CGNL1: variants seen among roughly 807,000 people sequenced by gnomAD.
CGNL1 encodes the protein cingulin-like protein 1.
CGNL1 carries 132 observed loss-of-function variants against 141.2 expected under a neutral mutation model. The observed-to-expected ratio is 0.93, with a 90% CI of 0.81 to 1.08. The LOEUF (loss-of-function observed/expected upper bound fraction) is 1.08. Among genes scored for constraint, CGNL1 ranks in the 50% least tolerant of loss-of-function variants. The pLI is 0.00. For synonymous variants in CGNL1, 690 were observed against 622.1 expected (o/e 1.11, Z -1.63); for missense variants, 1,870 against 1,588.6 (o/e 1.18, Z -3.01).
At chr15:57,487,535 ATAAG>A (rs2063801180) in intron 8 of CGNL1, among the ~76,000 whole-genome samples, 1 of 152,226 alleles carries the variant, frequency 6.6e-6, no homozygotes, top group East Asian at 1.9e-4. Context: ...TGGTAATAAT[ATAAG>A]TGTCATTGGT....
intron 7 of CGNL1, 95 bp downstream of exon 7, chr15:57,453,913 T>C (rs3817186): frequency 0.064 from 88,685 of 1,381,922 alleles, 3,656 homozygotes; most frequent in Admixed American, 0.16. Flanking sequence ...CACTTTCTGA[T>C]GTGCACACCT....
intron 8 of CGNL1, among the ~76,000 whole-genome samples, chr15:57,495,965 C>T (rs762909486): frequency 2.0e-5 from 3 of 152,142 alleles, no homozygotes; most frequent in Non-Finnish European, 4.4e-5. Context: ...AATGTCTTGG[C>T]AATCCAGATA....
At chr15:57,436,640 C>T (rs761883483) in intron 1 of CGNL1, among the ~76,000 whole-genome samples, 17 of 151,782 alleles carry the variant, frequency 1.1e-4, no homozygotes, top group Admixed American at 2.6e-4. Context: ...AGTAAAGCGT[C>T]CAAGTCAAGG....
intron 1 of CGNL1, 107 bp from the exon 2 acceptor site, chr15:57,437,878 G>A (rs2063126277): frequency 9.1e-7 from 1 of 1,098,802 alleles, no homozygotes; most frequent in Admixed American, 2.3e-5. Flanking sequence ...AAAATGTCTT[G>A]TTTTCTTTGA....
intron 1 of CGNL1, among the ~76,000 whole-genome samples, chr15:57,385,072 G>A (rs530219913): frequency 1.7e-4 from 26 of 152,220 alleles, no homozygotes; most frequent in Non-Finnish European, 3.4e-4. Context: ...AGACTACTGA[G>A]TGAATCAGGG....
intron 1 of CGNL1, among the ~76,000 whole-genome samples, chr15:57,410,039 A>G (rs1049423028): frequency 3.9e-5 from 6 of 152,102 alleles, no homozygotes; most frequent in African/African-American, 1.4e-4. Flanking sequence ...TTCAGCTGAG[A>G]TGGTTTGGGG....
chr15:57,433,623 T>C lies in CGNL1; in HGVS notation c.-15-4362T>C, dbSNP rs555598664. On this transcript the variant is annotated intron_variant, in intron 1 of 18. Coordinates refer to ENST00000281282, the MANE Select transcript of CGNL1 (RefSeq NM_032866.5). ...GAGATTGGCCAAATATAGGGAGTTA[T>C]TAAAACCAGCATAATTAGACCCTAC... Among the ~76,000 whole-genome samples the C allele has an allele frequency of 1.1e-4, 16 of 152,252 alleles. No individual in the cohort carries two copies. The South Asian group carries it at 3.1e-3, about 30-fold the overall frequency.
chr15:57,395,680 G>A (rs2062594290), intron 1 of CGNL1, among the ~76,000 whole-genome samples: 1 of 152,200 alleles, frequency 6.6e-6, no homozygotes, highest in Admixed American at 6.5e-5. Context: ...CTTGTGCTGG[G>A]CACTACGTTA....
intron 8 of CGNL1, among the ~76,000 whole-genome samples, chr15:57,476,063 T>C (rs1295146954): frequency 1.3e-5 from 2 of 152,172 alleles, no homozygotes; most frequent in Non-Finnish European, 2.9e-5. Context: ...GGTGCAGAGA[T>C]GGACAAGGTG....
At position 57,547,499 on chromosome 15, in the gene CGNL1, C is replaced by T. The variant is rs1214582207; in HGVS notation, c.*9C>T. 5 of 1,611,226 alleles carry T rather than the reference C, an allele frequency of 3.1e-6. No homozygotes were observed. Among genetic ancestry groups the T allele is most frequent in the African/African-American group, 1.3e-5 (1 of 74,774 alleles). ...TCGCCAGCCAGATCTGAGTGCTCTC[C>T]CGGGCTGTGGAAGTACCTGTCATTC... is the stretch of plus-strand genomic sequence containing the variant. On this transcript the variant is annotated 3_prime_UTR_variant, in exon 19 of 19. Coordinates refer to ENST00000281282, the MANE Select transcript of CGNL1 (RefSeq NM_032866.5).
At position 57,516,648 on chromosome 15, in the gene CGNL1, C is replaced by A; in HGVS notation, c.2404-132C>A. ...GTTTGGCCTGCAGGCTGTCGTTTGC[C>A]GACCCCTGGCTCAGCACAGGGCCTG... On this transcript the variant is annotated intron_variant, in intron 8 of 18. Transcript: ENST00000281282. The A allele has an allele frequency of 3.3e-6, 3 of 915,232 alleles. No individual in the cohort carries two copies. The South Asian group carries it at 4.9e-5, about 15-fold the overall frequency. The allele number at this position is 915,232 out of a possible 1,614,324, so 56.7% of individuals were successfully genotyped here.
At chr15:57,431,819 C>A (rs1246091735) in intron 1 of CGNL1, among the ~76,000 whole-genome samples, 5 of 151,934 alleles carry the variant, frequency 3.3e-5, no homozygotes, top group Non-Finnish European at 7.4e-5. Flanking sequence ...CCAATGTGGC[C>A]CAGGGAAGCC....
intron 8 of CGNL1, among the ~76,000 whole-genome samples, chr15:57,472,429 A>T (rs1345857457): frequency 6.6e-6 from 1 of 152,150 alleles, no homozygotes. Flanking sequence ...AGAGACAGAC[A>T]GACAAGCAGG....
intron 7 of CGNL1, among the ~76,000 whole-genome samples, chr15:57,456,442 T>C (rs540370841): frequency 6.6e-6 from 1 of 152,024 alleles, no homozygotes; most frequent in Admixed American, 6.5e-5. Context: ...CTGCTCTGTC[T>C]ATGGAGCAGC....
In CGNL1 at chr15:57,438,177, A is replaced by C. The variant is rs748198919; in HGVS notation, c.178A>C (p.Thr60Pro). Residue 60 changes from threonine to proline, a missense_variant, in exon 2 of 19, where the codon ACA becomes CCA. Thr to Pro is a conservative substitution (Grantham distance 38). Transcript: ENST00000281282. ...DGHPYIVLNN[T>P]ERCLAGTSFS... ...TCACCCCTATATTGTCCTGAATAAC[A>C]CAGAACGGTGCCTAGCAGGCACATC... 1 of 1,614,190 alleles carries C rather than the reference A, an allele frequency of 6.2e-7. No individual in the cohort carries two copies. Among genetic ancestry groups the C allele is most frequent in the Admixed American group, 1.7e-5 (1 of 60,024 alleles).
At position 57,424,134 on chromosome 15, in the gene CGNL1, G is replaced by A. The variant is rs188957755; in HGVS notation, c.-15-13851G>A. On this transcript the variant is annotated intron_variant, in intron 1 of 18. Coordinates refer to ENST00000281282, the MANE Select transcript of CGNL1 (RefSeq NM_032866.5). ...TGCCCTTAGCTGCTCTGCCCTCCGC[G>A]TCTCCCACTGGGCTCTGGCCAAGTC... 1.2e-4 allele frequency among the ~76,000 whole-genome samples: 19 copies of A among 152,286 alleles called. No individual in the cohort carries two copies. The East Asian group carries it at 2.7e-3, about 22-fold the overall frequency.
intron 8 of CGNL1, among the ~76,000 whole-genome samples, chr15:57,514,489 T>C (rs2030609531): frequency 6.6e-6 from 1 of 152,188 alleles, no homozygotes; most frequent in African/African-American, 2.4e-5. Context: ...TAAAGAATCA[T>C]TTATATATTC....
intron 1 of CGNL1, among the ~76,000 whole-genome samples, chr15:57,436,312 G>A (rs958129455): frequency 6.6e-6 from 1 of 152,192 alleles, no homozygotes; most frequent in Non-Finnish European, 1.5e-5. Flanking sequence ...ATTATTGTTA[G>A]GTGGGGATTC....
chr15:57,426,761 G>A (rs990596988), intron 1 of CGNL1, among the ~76,000 whole-genome samples: 1 of 151,998 alleles, frequency 6.6e-6, no homozygotes, highest in Non-Finnish European at 1.5e-5. Flanking sequence ...TACTGGCCAG[G>A]AGACACATTC....
Sources: gnomAD v4.1 joint callset for allele counts (sites outside exome capture counted in the v4.1 genomes callset) on GRCh38, gnomAD v4.1.1 for gene constraint, MANE v1.5 for transcripts, NCBI Gene and HGNC (gene_info 2026-07-23, HGNC 2026-07-21) for gene names.